The following NSMF variants were observed in gnomAD, a reference collection of about 807,000 sequenced individuals.
The protein encoded by NSMF is nasal embryonic LHRH factor.
NSMF carries 31 observed loss-of-function variants against 71.0 expected under a neutral mutation model. The ratio of observed to expected loss-of-function variants is 0.44; its 90% CI spans 0.33 to 0.59. The LOEUF is 0.59. NSMF is among the 20% of genes least tolerant of loss of function. NSMF has a pLI of 0.04. For synonymous variants in NSMF, 345 were observed against 287.1 expected (o/e 1.20, Z -2.04); for missense variants, 673 against 740.5 (o/e 0.91, Z 1.06).
At chr9:137,455,462 C>T in intron 5 of NSMF, 155 bp from the exon 6 acceptor site, 2 of 1,137,908 alleles carry the variant, frequency 1.8e-6, no homozygotes, top group Non-Finnish European at 2.6e-6. Context: ...AGGCCCAGCT[C>T]CCAGCAGGCC....
chr9:137,452,230 C>G (rs1468332937), intron 12 of NSMF, 135 bp downstream of exon 12: 4 of 783,832 alleles, frequency 5.1e-6, no homozygotes, highest in African/African-American at 2.0e-5. Flanking sequence ...GTCTCCCCCA[C>G]AAACACCTCT....
intron 12 of NSMF, 140 bp from the exon 13 acceptor site, chr9:137,450,395 G>GT (rs1830422109): frequency 1.7e-6 from 1 of 572,120 alleles, no homozygotes; most frequent in African/African-American, 3.6e-5. Flanking sequence ...CCCACCACAC[G>GT]TCTTTCCCTT....
In NSMF at chr9:137,453,411, CAGGCATCAGCTCCA is replaced by C. The variant is rs1830647656; in HGVS notation, c.923-245_923-232del. On this transcript the variant is annotated intron_variant, in intron 8 of 15. Transcript: ENST00000371475. The surrounding 1 kb of genome is among the most constrained non-coding windows in gnomAD (Gnocchi z 4.5). ...GTGCGAGGCCGGTGGAAGGCGCGTG[CAGGCATCAGCTCCA>C]GCCAAGTCCGCCGGGCGCCTGGGAG... 1.6e-6 allele frequency: 1 copy of C among 629,912 alleles called. No homozygotes were observed. Among genetic ancestry groups the C allele is most frequent in the Non-Finnish European group, 2.7e-6 (1 of 364,380 alleles). 39.0% of individuals were successfully genotyped at this position (629,912 alleles called of 1,614,324 possible).
Position 137,455,640 on chromosome 9 carries a change from G to T in NSMF, c.705-6C>A. On this transcript the variant is annotated splice_region_variant and splice_polypyrimidine_tract_variant and intron_variant, in intron 4 of 15. Coordinates refer to ENST00000371475, the MANE Select transcript of NSMF (RefSeq NM_001130969.3). ...ATACAGGTACTTACGAGATGCTGAAGCCAGGGCCAGAAGGGATGGCGTGAG... is the reference window on the plus strand; with the variant it reads ...ATACAGGTACTTACGAGATGCTGAATCCAGGGCCAGAAGGGATGGCGTGAG... 2 of 1,550,444 alleles carry T rather than the reference G, an allele frequency of 1.3e-6. No individual in the cohort carries two copies. Among genetic ancestry groups the T allele is most frequent in the Non-Finnish European group, 1.7e-6 (2 of 1,146,930 alleles).
chr9:137,453,784 G>T lies in NSMF; in HGVS notation c.869C>A (p.Ser290Tyr). The T allele has an allele frequency of 6.2e-7, 1 of 1,600,262 alleles. No homozygotes were observed. Residue 290 changes from serine (S) to tyrosine (Y), a missense_variant, in exon 8 of 16, where the codon TCC (serine) becomes TAC (tyrosine). Physicochemically the swap from Ser to Tyr is moderately radical, Grantham distance 144. Coordinates refer to ENST00000371475, the MANE Select transcript of NSMF (RefSeq NM_001130969.3). This position sits in a 1 kb window ranked among gnomAD's most constrained non-coding sequence, Gnocchi z 4.5. Reference sequence around the variant, plus strand: ...TTTCATGGGGGTGGGGTCGCTCCAGGACCGGCTGAAGCTCCGCTCGCGCCG... The same window carrying T: ...TTTCATGGGGGTGGGGTCGCTCCAGTACCGGCTGAAGCTCCGCTCGCGCCG... Reference protein sequence around the residue: ...AERRERSFSRSWSDPTPMKAD... With the variant: ...AERRERSFSRYWSDPTPMKAD...
chr9:137,457,852 C>A lies in NSMF; in HGVS notation c.183G>T (p.Met61Ile). 1 of 1,552,744 alleles carries A rather than the reference C, an allele frequency of 6.4e-7. No individual in the cohort carries two copies. The highest frequency in any genetic ancestry group is 8.7e-7 in the Non-Finnish European group (1 of 1,149,402). Residue 61 changes from methionine to isoleucine, a missense_variant, in exon 3 of 16, where the codon ATG becomes ATT. Around this residue, in one of 2 missense-constraint regions of NSMF, gnomAD observed 471 missense variants for 459.6 expected, o/e 1.02. Transcript: ENST00000371475. Reference sequence around the variant, plus strand: ...GGCGCTTGTTCTGGGGGGCCGGCTGCATCTCGGGGGACCCGTCGTGGCCAG... The same window carrying A: ...GGCGCTTGTTCTGGGGGGCCGGCTGAATCTCGGGGGACCCGTCGTGGCCAG... ...AYSGHDGSPE[M>I]QPAPQNKRRL... is the part of the protein sequence containing the mutation.
intron 3 of NSMF, among the ~76,000 whole-genome samples, chr9:137,456,917 G>A (rs978429081): frequency 6.6e-6 from 1 of 152,148 alleles, no homozygotes; most frequent in African/African-American, 2.4e-5. Flanking sequence ...CCCCTTCCGA[G>A]GGCCCCCACA....
intron 3 of NSMF, among the ~76,000 whole-genome samples, 199 bp downstream of exon 3, chr9:137,457,208 C>T (rs985161627): frequency 1.3e-5 from 2 of 152,172 alleles, no homozygotes; most frequent in African/African-American, 4.8e-5. Flanking sequence ...GCAGATTTTG[C>T]TGAGGAGCTG....
chr9:137,458,962 G>A (rs1353538982), intron 1 of NSMF, 70 bp downstream of exon 1: 28 of 1,174,034 alleles, frequency 2.4e-5, no homozygotes, highest in Admixed American at 4.1e-5. Flanking sequence ...AGCACCGCGG[G>A]GCAGGGGCGG....
chr9:137,455,386 G>T, intron 5 of NSMF, 79 bp from the exon 6 acceptor site: 2 of 1,526,184 alleles, frequency 1.3e-6, no homozygotes, highest in Middle Eastern at 1.7e-4. Flanking sequence ...GGTGCGAGCA[G>T]AGGGCCCAGC....
chr9:137,455,457 C>T, intron 5 of NSMF, 150 bp from the exon 6 acceptor site: 2 of 1,129,364 alleles, frequency 1.8e-6, no homozygotes, highest in Non-Finnish European at 2.6e-6. Flanking sequence ...TGTCGAGGCC[C>T]AGCTCCCAGC....
chr9:137,452,437 T>TGTG lies in NSMF; in HGVS notation c.1166-5_1166-3dup, dbSNP rs145169169. The stretch of plus-strand genomic sequence containing the variant: ...CGTTCAGCTTCCTCTCTATCTCCTC[T>TGTG]GTGGGAGAGCGGGTGTGAGTGCTGC... On this transcript the variant is annotated splice_region_variant and splice_polypyrimidine_tract_variant and intron_variant, in intron 11 of 15. Coordinates refer to ENST00000371475, the MANE Select transcript of NSMF (RefSeq NM_001130969.3). The TGTG allele has an allele frequency of 3.9e-5, 63 of 1,612,370 alleles. No homozygotes were observed. Among genetic ancestry groups the TGTG allele is most frequent in the Non-Finnish European group, 5.3e-5 (62 of 1,179,782 alleles).
Position 137,453,371 on chromosome 9 carries a change from G to A in NSMF, c.923-191C>T. On this transcript the variant is annotated intron_variant, in intron 8 of 15. Transcript: ENST00000371475. This position sits in a 1 kb window ranked among gnomAD's most constrained non-coding sequence, Gnocchi z 4.5. ...CACCACTGGGCAGCGGCCTGATGTG[G>A]GAAGGGAGACCCTGGTGCGAGGCCG... 5.3e-6 allele frequency: 4 copies of A among 751,576 alleles called. No homozygotes were observed. Among genetic ancestry groups the A allele is most frequent in the Non-Finnish European group, 8.6e-6 (4 of 467,580 alleles). The allele number at this position is 751,576 out of a possible 1,614,324, so 46.6% of individuals were successfully genotyped here.
At position 137,452,532 on chromosome 9, in the gene NSMF, GA is replaced by G. The variant is rs1830588188; in HGVS notation, c.1165+20del. On this transcript the variant is annotated intron_variant, in intron 11 of 15. Coordinates refer to ENST00000371475, the MANE Select transcript of NSMF (RefSeq NM_001130969.3). Reference sequence around the variant, plus strand: ...CTCCCAGGCCTGGAACCAGCAGAGAGAAGGCCAATGAGGCACATACCAAGGA... The same window carrying G: ...CTCCCAGGCCTGGAACCAGCAGAGAGAGGCCAATGAGGCACATACCAAGGA... The G allele has an allele frequency of 2.5e-6, 4 of 1,612,518 alleles. No individual in the cohort carries two copies. The highest frequency in any genetic ancestry group is 3.4e-6 in the Non-Finnish European group (4 of 1,179,944).
At chr9:137,452,294 TTCTTCCCCTTGG>T (rs1453234042) in intron 12 of NSMF, 59 bp downstream of exon 12, 1 of 1,104,938 alleles carries the variant, frequency 9.1e-7, no homozygotes, top group Non-Finnish European at 1.3e-6. Flanking sequence ...CCAACTTGAC[TTCTTCCCCTTGG>T]TCTTCCCCTG....
chr9:137,456,579 G>A (rs771096969), intron 3 of NSMF, 93 bp from the exon 4 acceptor site: 1 of 854,748 alleles, frequency 1.2e-6, no homozygotes, highest in Non-Finnish European at 2.0e-6. Context: ...CTGGGTCCAG[G>A]GGTCAGCAGA....
chr9:137,455,151 C>G, intron 6 of NSMF, 88 bp downstream of exon 6: 4 of 1,388,600 alleles, frequency 2.9e-6, no homozygotes, highest in South Asian at 2.3e-5. Flanking sequence ...ACCCTTCCCC[C>G]ATCAGGTCTG....
Position 137,454,067 on chromosome 9 carries a change from G to T in NSMF, c.833-247C>A, listed in dbSNP as rs570363900. Among the ~76,000 whole-genome samples, 158 of 145,356 alleles carry T rather than the reference G, an allele frequency of 1.1e-3. 1 individual carries two copies. The East Asian group carries it at 0.029, about 27-fold the overall frequency. On this transcript the variant is annotated intron_variant, in intron 7 of 15. Transcript: ENST00000371475. ...CCTGGGCCGGGCTGGGGGCGTGGCT[G>T]GGAGGGGAGGAGCCTGGGCCGGGCT...
At chr9:137,454,250 A>C (rs555556247) in intron 7 of NSMF, 141 bp downstream of exon 7, 13 of 735,914 alleles carry the variant, frequency 1.8e-5, no homozygotes, top group Admixed American at 7.0e-5. Context: ...GGGCTGGGGA[A>C]GTGGCTGGAA....
Sources: gnomAD v4.1 joint callset for allele counts (sites outside exome capture counted in the v4.1 genomes callset) on GRCh38, gnomAD v4.1.1 for gene constraint, gnomAD v4.1.1 regional missense constraint, Gnocchi (gnomAD v3.1) non-coding constraint, MANE v1.5 for transcripts, NCBI Gene and HGNC (gene_info 2026-07-23, HGNC 2026-07-21) for gene names.